ZNF420: variants seen among roughly 807,000 people sequenced by gnomAD.
The protein encoded by ZNF420 is zinc finger protein 420, also known as ATM and p53-associated KZNF protein.
ZNF420 carries 31 observed loss-of-function variants against 44.7 expected under a neutral mutation model. That is an observed-to-expected ratio of 0.69 (90% CI 0.52 to 0.94). The LOEUF is 0.94. ZNF420 is among the 40% of genes least tolerant of loss of function. ZNF420 has a pLI of 0.00. For synonymous variants in ZNF420, 245 were observed against 267.4 expected (o/e 0.92, Z 0.82); for missense variants, 681 against 827.9 (o/e 0.82, Z 2.18).
At chr19:37,078,842 A>G (rs560597813) in intron 1 of ZNF420, among the ~76,000 whole-genome samples, 1 of 152,246 alleles carries the variant, frequency 6.6e-6, no homozygotes, top group South Asian at 2.1e-4. Flanking sequence ...CGCGTGTATA[A>G]TTGGGGTTTG....
intron 1 of ZNF420, among the ~76,000 whole-genome samples, chr19:37,053,516 G>T (rs1458226140): frequency 6.6e-6 from 1 of 152,168 alleles, no homozygotes; most frequent in African/African-American, 2.4e-5. Flanking sequence ...CTTTGATGAT[G>T]GTGACATACC....
chr19:37,022,844 T>TAGC (rs2074659556), intron 1 of ZNF420, among the ~76,000 whole-genome samples: 1 of 152,116 alleles, frequency 6.6e-6, no homozygotes, highest in Non-Finnish European at 1.5e-5. Flanking sequence ...ATCATTAAGA[T>TAGC]ATGTAGCATG....
chr19:37,124,815 C>T (rs1971256192), intron 4 of ZNF420, among the ~76,000 whole-genome samples: 4 of 151,982 alleles, frequency 2.6e-5, no homozygotes, highest in Admixed American at 1.3e-4. Context: ...TTACAGGCAC[C>T]TGCCACCACA....
chr19:37,119,408 G>A (rs1216254504), intron 4 of ZNF420, among the ~76,000 whole-genome samples: 2 of 152,166 alleles, frequency 1.3e-5, no homozygotes, highest in African/African-American at 4.8e-5. Flanking sequence ...AAATCAAGAT[G>A]TTCTTTGAAA....
At chr19:37,125,677 G>C (rs138385941) in intron 4 of ZNF420, among the ~76,000 whole-genome samples, 1 of 151,960 alleles carries the variant, frequency 6.6e-6, no homozygotes, top group Admixed American at 6.6e-5. Context: ...AGTTTTTATT[G>C]AGTGCTAGAC....
chr19:37,032,238 C>T lies in ZNF420; in HGVS notation c.-125+24156C>T, dbSNP rs187694465. On this transcript the variant is annotated intron_variant, in intron 1 of 4. Transcript: ENST00000587029. ...GCCTGTAGTCCCAGCTACTGGGAGG[C>T]TGAGGCAGGAAAACCACTTGAAGGC... 2.6e-5 allele frequency among the ~76,000 whole-genome samples: 4 copies of T among 151,986 alleles called. No homozygotes were observed. The East Asian group carries it at 7.8e-4, about 30-fold the overall frequency.
intron 1 of ZNF420, among the ~76,000 whole-genome samples, chr19:37,013,988 A>C (rs987440419): frequency 6.6e-6 from 1 of 152,088 alleles, no homozygotes; most frequent in Non-Finnish European, 1.5e-5. Context: ...TCAGGGGGCT[A>C]TGGGGACCTT....
At chr19:37,061,901 A>G (rs1320741992) in intron 1 of ZNF420, among the ~76,000 whole-genome samples, 2 of 152,222 alleles carry the variant, frequency 1.3e-5, no homozygotes. Flanking sequence ...CGTTAATTCA[A>G]CGTTTAATGG....
At chr19:37,114,687 C>T (rs549036642) in intron 4 of ZNF420, among the ~76,000 whole-genome samples, 19 of 152,204 alleles carry the variant, frequency 1.2e-4, no homozygotes, top group South Asian at 4.2e-4. Flanking sequence ...GTGAACTTTC[C>T]GTTCCTTTCC....
intron 1 of ZNF420, among the ~76,000 whole-genome samples, chr19:37,022,792 C>T (rs1460223686): frequency 1.3e-5 from 2 of 151,792 alleles, no homozygotes; most frequent in Non-Finnish European, 2.9e-5. Flanking sequence ...AAGTATTATC[C>T]CCAATATCAT....
At chr19:37,103,518 G>T (rs1039981513) in intron 4 of ZNF420, among the ~76,000 whole-genome samples, 5 of 152,076 alleles carry the variant, frequency 3.3e-5, no homozygotes, top group Non-Finnish European at 2.9e-5. Context: ...TCATCCTCTT[G>T]CCTGGCTCTT....
chr19:37,077,426 G>T (rs1161346314), upstream of ZNF420, among the ~76,000 whole-genome samples: 1 of 152,152 alleles, frequency 6.6e-6, no homozygotes, highest in East Asian at 1.9e-4. Flanking sequence ...TTGGCCTGCT[G>T]TGGCAGAGGA....
intron 1 of ZNF420, among the ~76,000 whole-genome samples, chr19:37,049,120 T>C (rs1478011951): frequency 2.0e-5 from 3 of 152,164 alleles, no homozygotes; most frequent in Non-Finnish European, 2.9e-5. Flanking sequence ...CTATCATTGT[T>C]GGACATTTGG....
Position 37,127,563 on chromosome 19 carries a change from G to A in ZNF420, c.572G>A (p.Gly191Asp), listed in dbSNP as rs1383972229. 1 of 1,613,926 alleles carries A rather than the reference G, an allele frequency of 6.2e-7. No homozygotes were observed. Residue 191 changes from glycine (G) to aspartate (D), a missense_variant, in exon 5 of 5, where the codon GGT becomes GAT. By Grantham distance (94) the Gly-to-Asp change is moderately conservative. Around this residue, in one of 3 missense-constraint regions of ZNF420, gnomAD observed 350 missense variants for 382.5 expected, o/e 0.92. Coordinates refer to ENST00000337995, the MANE Select transcript of ZNF420 (RefSeq NM_144689.5). ...AGTCTTCATCAGAGACTTCATACTG[G>A]TGAGAAACCCTATGCATGTAAGGAA... ...QLSLHQRLHT[G>D]EKPYACKECG...
chr19:37,013,125 C>A (rs558474963), intron 1 of ZNF420, among the ~76,000 whole-genome samples: 3 of 152,000 alleles, frequency 2.0e-5, no homozygotes, highest in African/African-American at 7.3e-5. Flanking sequence ...AAGATCAAGA[C>A]GACCACCCCA....
Position 37,127,412 on chromosome 19 carries a change from T to C in ZNF420, c.421T>C (p.Cys141Arg), listed in dbSNP as rs1200771745. Residue 141 changes from cysteine (C) to arginine (R), a missense_variant, in exon 5 of 5, where the codon TGT becomes CGT. Around this residue, in one of 3 missense-constraint regions of ZNF420, gnomAD observed 350 missense variants for 382.5 expected, o/e 0.92. Transcript: ENST00000337995. ...TCATTCTACTGAGAAACCCTATAAA[T>C]GTAAGGAATGTGGGAAAGCCTTCAG... ...RCHSTEKPYK[C>R]KECGKAFRRA... 3 of 1,614,056 alleles carry C rather than the reference T, an allele frequency of 1.9e-6. No homozygotes were observed. In the Admixed American group the frequency reaches 5.0e-5, roughly 27 times the overall value.
chr19:37,089,329 A>G (rs944819828), intron 3 of ZNF420, among the ~76,000 whole-genome samples: 5 of 152,262 alleles, frequency 3.3e-5, no homozygotes, highest in African/African-American at 1.2e-4. Flanking sequence ...TTACTCAACA[A>G]TATGTATATT....
intron 1 of ZNF420, among the ~76,000 whole-genome samples, chr19:37,013,917 C>T (rs559307518): frequency 2.0e-5 from 3 of 152,264 alleles, no homozygotes; most frequent in Admixed American, 1.3e-4. Flanking sequence ...ATGTAGTGAG[C>T]GTGTATCTCC....
chr19:37,074,792 A>G (rs1206859043), upstream of ZNF420, among the ~76,000 whole-genome samples: 3 of 152,216 alleles, frequency 2.0e-5, no homozygotes, highest in African/African-American at 7.2e-5. Context: ...AAACAAAAAT[A>G]TGTAAATACA....
Sources: gnomAD v4.1 joint callset for allele counts (sites outside exome capture counted in the v4.1 genomes callset) on GRCh38, gnomAD v4.1.1 for gene constraint, gnomAD v4.1.1 regional missense constraint, MANE v1.5 for transcripts, NCBI Gene and HGNC (gene_info 2026-07-23, HGNC 2026-07-21) for gene names.